Variants in BCAS3 observed in about 807,000 individuals in gnomAD.
BCAS3 encodes BCAS3 microtubule associated cell migration factor.
Under a neutral mutation model 116.1 loss-of-function variants are expected in BCAS3, and 53 were observed. That is an observed-to-expected ratio of 0.46 (90% CI 0.37 to 0.57). BCAS3 has a LOEUF of 0.57. BCAS3 is among the 20% of genes least tolerant of loss of function. The pLI, the probability that BCAS3 is intolerant of heterozygous loss-of-function variation, is 0.00. For missense variants in BCAS3, 917 were observed against 1,165.4 expected, an observed-to-expected ratio of 0.79 and a Z score of 3.10; for synonymous variants, 391 against 408.2, an observed-to-expected ratio of 0.96 and a Z score of 0.51.
At chr17:61,075,506 G>T (rs1247058229) in intron 20 of BCAS3, among the ~76,000 whole-genome samples, 3 of 151,936 alleles carry the variant, frequency 2.0e-5, no homozygotes, top group African/African-American at 7.3e-5. Flanking sequence ...GTAGAGAAGG[G>T]GTTTCGCCAT....
At chr17:60,772,812 G>T (rs936081614) in intron 6 of BCAS3, among the ~76,000 whole-genome samples, 1 of 152,116 alleles carries the variant, frequency 6.6e-6, no homozygotes, top group Non-Finnish European at 1.5e-5. Context: ...GGTGGAAGTT[G>T]CAGTGAGCTG....
chr17:60,820,492 G>C (rs1319139395), intron 7 of BCAS3, among the ~76,000 whole-genome samples: 1 of 152,248 alleles, frequency 6.6e-6, no homozygotes, highest in South Asian at 2.1e-4. Flanking sequence ...AAGATATAGA[G>C]AATGCAGTGT....
chr17:61,056,565 TAAC>T lies in BCAS3; in HGVS notation c.2029+15676_2029+15678del, dbSNP rs2069405648. 6.6e-6 allele frequency among the ~76,000 whole-genome samples: 1 copy of T among 152,106 alleles called. No homozygotes were observed. The highest frequency in any genetic ancestry group is 2.4e-5 in the African/African-American group (1 of 41,426). On this transcript the variant is annotated intron_variant, in intron 19 of 23. Coordinates refer to ENST00000407086, the MANE Select transcript of BCAS3 (RefSeq NM_017679.5). The surrounding 1 kb of genome is among the most constrained non-coding windows in gnomAD (Gnocchi z 4.9). ...AAAGTTTAAGATGCAGGCTTTGTAT[TAAC>T]AAAGCCCTATTCCCCTTAGAACTTA...
At chr17:61,159,474 G>A (rs1404043985) in intron 22 of BCAS3, 1 of 152,094 alleles carries the variant, frequency 6.6e-6, no homozygotes, top group Non-Finnish European at 1.5e-5. Context: ...CAAGATGTAT[G>A]GATTTTTATT....
chr17:60,780,115 C>A (rs376888099), intron 6 of BCAS3, among the ~76,000 whole-genome samples: 1 of 151,648 alleles, frequency 6.6e-6, no homozygotes, highest in African/African-American at 2.4e-5. Context: ...TCGGCTCCCC[C>A]GAGTAGCTGG....
intron 22 of BCAS3, among the ~76,000 whole-genome samples, chr17:61,218,666 T>C (rs184677859): frequency 1.3e-5 from 2 of 152,348 alleles, no homozygotes; most frequent in Admixed American, 6.5e-5. Flanking sequence ...TCCATCCTGC[T>C]GTTTAGTTTT....
intron 22 of BCAS3, among the ~76,000 whole-genome samples, chr17:61,254,184 G>T (rs1012559027): frequency 6.6e-6 from 1 of 152,092 alleles, no homozygotes; most frequent in African/African-American, 2.4e-5. Context: ...GTGGATGTTT[G>T]TTTTTTATTT....
chr17:61,374,836 T>C (rs1318276320), intron 23 of BCAS3, among the ~76,000 whole-genome samples: 6 of 152,244 alleles, frequency 3.9e-5, no homozygotes, highest in Non-Finnish European at 8.8e-5. Flanking sequence ...TATCTTGTAC[T>C]TTCTATTTTA....
chr17:61,252,170 G>A (rs73993407), intron 22 of BCAS3, among the ~76,000 whole-genome samples: 5,891 of 152,192 alleles, frequency 0.039, 168 homozygotes, highest in African/African-American at 0.075. Flanking sequence ...CATTAATAAC[G>A]TTTTGTTTAG....
intron 22 of BCAS3, among the ~76,000 whole-genome samples, chr17:61,311,575 A>G (rs1407895118): frequency 1.3e-5 from 2 of 152,092 alleles, no homozygotes; most frequent in East Asian, 3.9e-4. Context: ...TTGGGGGGTA[A>G]ATTGTTGCTC....
chr17:61,368,282 C>T lies in BCAS3; in HGVS notation c.2426-45C>T, dbSNP rs755995857. 1.3e-6 allele frequency: 2 copies of T among 1,545,358 alleles called. No homozygotes were observed. The highest frequency in any genetic ancestry group is 2.7e-5 in the African/African-American group (2 of 73,810). The stretch of plus-strand genomic sequence containing the variant: ...GGAGGTAGACAAGAATGGCCTGCTC[C>T]CTGAAGGTGTGGACTCAACGTCAGA... On this transcript the variant is annotated intron_variant, in intron 22 of 23. Coordinates refer to ENST00000407086, the MANE Select transcript of BCAS3 (RefSeq NM_017679.5). This position sits in a 1 kb window ranked among gnomAD's most constrained non-coding sequence, Gnocchi z 6.0.
rs540999583 is a variant in BCAS3 at position 61,068,947 on chromosome 17, A to G, written c.2030-5973A>G. ...GAATGTTCTTCCTACCTGGATTGAG[A>G]GAAATTTTTTAATATAAATAAATGC... On this transcript the variant is annotated intron_variant, in intron 19 of 23. Coordinates refer to ENST00000407086, the MANE Select transcript of BCAS3 (RefSeq NM_017679.5). The surrounding 1 kb of genome is among the most constrained non-coding windows in gnomAD (Gnocchi z 4.3). Among the ~76,000 whole-genome samples the G allele has an allele frequency of 6.6e-6, 1 of 152,352 alleles. No homozygotes were observed. The highest frequency in any genetic ancestry group is 1.9e-4 in the East Asian group (1 of 5,192).
chr17:60,753,056 C>A (rs1463888618), intron 6 of BCAS3, among the ~76,000 whole-genome samples: 1 of 152,128 alleles, frequency 6.6e-6, no homozygotes, highest in African/African-American at 2.4e-5. Flanking sequence ...GTTGCCCAGG[C>A]TAGTCTTGAA....
intron 15 of BCAS3, among the ~76,000 whole-genome samples, chr17:60,991,662 C>T (rs1043714175): frequency 6.6e-6 from 1 of 152,130 alleles, no homozygotes; most frequent in Non-Finnish European, 1.5e-5. Context: ...ACGTAATATT[C>T]ACCATGTAAA....
At chr17:60,966,524 T>C (rs1178483423) in intron 14 of BCAS3, among the ~76,000 whole-genome samples, 3 of 152,166 alleles carry the variant, frequency 2.0e-5, no homozygotes, top group Admixed American at 6.5e-5. Flanking sequence ...AGGAGGCTTA[T>C]AGAGACATCT....
At chr17:60,921,377 G>A (rs2059075882) in intron 12 of BCAS3, among the ~76,000 whole-genome samples, 1 of 152,044 alleles carries the variant, frequency 6.6e-6, no homozygotes, top group East Asian at 1.9e-4. Flanking sequence ...ACGTTGGGAG[G>A]CCGAGGCGGG....
chr17:60,911,680 C>G (rs972309929), intron 12 of BCAS3, among the ~76,000 whole-genome samples: 1 of 152,174 alleles, frequency 6.6e-6, no homozygotes, highest in Admixed American at 6.5e-5. Context: ...GGTGATATGC[C>G]CGTCTCGGCC....
At chr17:61,111,016 G>C (rs1040478297) in intron 22 of BCAS3, among the ~76,000 whole-genome samples, 1 of 151,960 alleles carries the variant, frequency 6.6e-6, no homozygotes, top group South Asian at 2.1e-4. Context: ...CAGACCTGCA[G>C]CTGAGGGTCC....
At chr17:60,931,879 C>T (rs1012321615) in intron 13 of BCAS3, among the ~76,000 whole-genome samples, 2 of 152,020 alleles carry the variant, frequency 1.3e-5, no homozygotes, top group Non-Finnish European at 2.9e-5. Context: ...TAGAGACCAG[C>T]CTAGGCAACA....
Sources: gnomAD v4.1 joint callset for allele counts (sites outside exome capture counted in the v4.1 genomes callset) on GRCh38, gnomAD v4.1.1 for gene constraint, Gnocchi (gnomAD v3.1) non-coding constraint, MANE v1.5 for transcripts, NCBI Gene and HGNC (gene_info 2026-07-23, HGNC 2026-07-21) for gene names.